The following MTSS1 variants were observed in gnomAD, a reference collection of about 807,000 sequenced individuals.
The protein encoded by MTSS1 is MTSS I-BAR domain containing 1.
A neutral mutation model predicts 79.0 loss-of-function variants in MTSS1; 18 were observed. That is an observed-to-expected ratio of 0.23 (90% CI 0.16 to 0.34). The LOEUF (loss-of-function observed/expected upper bound fraction) is 0.34, where lower values mean the gene tolerates loss of function less well. Ranked by LOEUF, MTSS1 falls within the 10% of genes least tolerant of loss-of-function variation. The pLI, the probability that MTSS1 is intolerant of heterozygous loss-of-function variation, is 1.00. For missense variants in MTSS1, 815 were observed against 986.2 expected (o/e 0.83, Z 2.33); for synonymous variants, 341 against 368.6 (o/e 0.93, Z 0.86).
chr8:124,727,459 C>T lies in MTSS1; in HGVS notation c.72+425G>A, dbSNP rs1344617032. On this transcript the variant is annotated intron_variant, in intron 1 of 13. Transcript: ENST00000518547. This position sits in a 1 kb window ranked among gnomAD's most constrained non-coding sequence, Gnocchi z 4.7. ...ACTCCTTCCTGCGAGCGGGCAGAGCCCCCACTTCCTCCCCACCACCGCGCC... is the reference window on the plus strand; with the variant it reads ...ACTCCTTCCTGCGAGCGGGCAGAGCTCCCACTTCCTCCCCACCACCGCGCC... The T allele has an allele frequency of 2.3e-6, 1 of 436,056 alleles. No individual in the cohort carries two copies. Among genetic ancestry groups the T allele is most frequent in the Non-Finnish European group, 4.6e-6 (1 of 218,032 alleles). 27.0% of individuals were successfully genotyped at this position (436,056 alleles called of 1,614,324 possible).
rs755073681 is a variant in MTSS1 at position 124,553,456 on chromosome 8, C to T, written c.1804G>A (p.Gly602Arg). The T allele has an allele frequency of 5.7e-5, 92 of 1,608,614 alleles. 1 individual carries two copies. The Admixed American group carries it at 1.4e-3, about 25-fold the overall frequency. Residue 602 changes from glycine to arginine, a missense_variant, in exon 14 of 14, where the codon GGA becomes AGA. By Grantham distance (125) the Gly-to-Arg change is moderately radical. Transcript: ENST00000518547. The surrounding 1 kb of genome is among the most constrained non-coding windows in gnomAD (Gnocchi z 6.0). ...TPSTKPSVRRGTIGAGPIPIK... is the reference protein window; with the variant it reads ...TPSTKPSVRRRTIGAGPIPIK... ...GGGATGGGACCAGCTCCAATGGTTCCCCGGCGGACAGAAGGCTTGGTGGAA... is the reference window on the plus strand; with the variant it reads ...GGGATGGGACCAGCTCCAATGGTTCTCCGGCGGACAGAAGGCTTGGTGGAA...
At chr8:124,660,432 G>GCGCATGCA (rs1554703690) in intron 3 of MTSS1, among the ~76,000 whole-genome samples, 1 of 140,706 alleles carries the variant, frequency 7.1e-6, no homozygotes, top group Non-Finnish European at 1.6e-5. Context: ...CCATGCGCAT[G>GCGCATGCA]CACACACACA....
chr8:124,600,885 C>T (rs1343369470), intron 3 of MTSS1, among the ~76,000 whole-genome samples: 1 of 152,200 alleles, frequency 6.6e-6, no homozygotes, highest in Admixed American at 6.5e-5. Flanking sequence ...TTAATTGTTA[C>T]GCATCCACAA....
intron 3 of MTSS1, among the ~76,000 whole-genome samples, chr8:124,671,703 C>T (rs1450336658): frequency 6.6e-6 from 1 of 152,144 alleles, no homozygotes; most frequent in Non-Finnish European, 1.5e-5. Flanking sequence ...TTACTGGACA[C>T]CTGACTTCAT....
rs73341851 is a variant in MTSS1, at chr8:124,600,549, T to C, written c.209-9314A>G. ...GAGAAAATAAGGAGCACTGGTTACA[T>C]CAGTGCTCCCATTAGGCAGAGCGGT... On this transcript the variant is annotated intron_variant, in intron 3 of 13. Transcript: ENST00000518547. 7.7e-3 allele frequency among the ~76,000 whole-genome samples: 1,171 copies of C among 152,260 alleles called. 15 individuals carry two copies. The highest frequency in any genetic ancestry group is 0.025 in the African/African-American group (1,054 of 41,544).
intron 7 of MTSS1, chr8:124,567,740 G>A (rs555187092): frequency 1.2e-5 from 18 of 1,522,450 alleles, no homozygotes; most frequent in East Asian, 2.5e-5. Context: ...ACCACGGGCC[G>A]GGCTAGAACG....
intron 3 of MTSS1, among the ~76,000 whole-genome samples, chr8:124,671,173 C>A (rs992678813): frequency 2.0e-5 from 3 of 152,090 alleles, no homozygotes; most frequent in African/African-American, 7.2e-5. Flanking sequence ...TAGGCTCCCT[C>A]AAATACTTTT....
At chr8:124,669,149 C>G (rs1005656397) in intron 3 of MTSS1, among the ~76,000 whole-genome samples, 1 of 152,208 alleles carries the variant, frequency 6.6e-6, no homozygotes, top group South Asian at 2.1e-4. Flanking sequence ...AAAATACAAT[C>G]CTCAGAAAAG....
At chr8:124,663,367 G>C (rs1395817012) in intron 3 of MTSS1, among the ~76,000 whole-genome samples, 1 of 152,046 alleles carries the variant, frequency 6.6e-6, no homozygotes, top group Non-Finnish European at 1.5e-5. Context: ...CCAAGGACAC[G>C]TGTCCTCTGA....
At chr8:124,591,672 TAAC>T (rs1831908694) in intron 3 of MTSS1, among the ~76,000 whole-genome samples, 1 of 152,216 alleles carries the variant, frequency 6.6e-6, no homozygotes, top group African/African-American at 2.4e-5. Flanking sequence ...ATAATCCCGT[TAAC>T]ATTATTTAGA....
intron 3 of MTSS1, chr8:124,619,569 A>G (rs948557929): frequency 6.6e-6 from 1 of 152,354 alleles, no homozygotes; most frequent in Non-Finnish European, 1.5e-5. Flanking sequence ...GTTAAAGAGG[A>G]AAGGAACAAA....
At chr8:124,717,671 G>A (rs1055040512) in intron 1 of MTSS1, among the ~76,000 whole-genome samples, 3 of 152,180 alleles carry the variant, frequency 2.0e-5, no homozygotes, top group African/African-American at 4.8e-5. Flanking sequence ...ACTCCGGTCT[G>A]GGGGACAGAG....
intron 6 of MTSS1, among the ~76,000 whole-genome samples, chr8:124,578,726 C>T (rs917713505): frequency 2.6e-5 from 4 of 152,030 alleles, no homozygotes; most frequent in South Asian, 2.1e-4. Context: ...ACCCAGGAGA[C>T]GGAGGTTGCA....
intron 3 of MTSS1, among the ~76,000 whole-genome samples, chr8:124,603,754 T>TA (rs780794195): frequency 5.9e-5 from 9 of 152,120 alleles, no homozygotes; most frequent in Non-Finnish European, 1.0e-4. Context: ...CTCCAATCAT[T>TA]AGAGACCCTG....
chr8:124,675,850 C>A (rs1489875432), intron 3 of MTSS1, among the ~76,000 whole-genome samples: 1 of 152,194 alleles, frequency 6.6e-6, no homozygotes, highest in Non-Finnish European at 1.5e-5. Context: ...AATAATATTC[C>A]ATTATGTACA....
intron 1 of MTSS1, among the ~76,000 whole-genome samples, chr8:124,723,220 C>A (rs1384637933): frequency 6.6e-6 from 1 of 152,046 alleles, no homozygotes; most frequent in Non-Finnish European, 1.5e-5. Flanking sequence ...AATGGGAAAC[C>A]CTACGTTTTT....
At chr8:124,653,356 T>A (rs1340203827) in intron 3 of MTSS1, among the ~76,000 whole-genome samples, 2 of 152,230 alleles carry the variant, frequency 1.3e-5, no homozygotes, top group African/African-American at 4.8e-5. Flanking sequence ...TTTTCATATG[T>A]TATGTCTTCT....
At chr8:124,702,415 C>G (rs1424710386) in intron 2 of MTSS1, among the ~76,000 whole-genome samples, 2 of 152,130 alleles carry the variant, frequency 1.3e-5, no homozygotes, top group East Asian at 1.9e-4. Flanking sequence ...AAAGTAATTA[C>G]AAGAGCTTAA....
At position 124,562,942 on chromosome 8, in the gene MTSS1, G is replaced by A. The variant is rs533015192; in HGVS notation, c.875C>T (p.Ser292Leu). Residue 292 changes from serine to leucine, a missense_variant, in exon 10 of 14, where the codon TCG (serine) becomes TTG (leucine). Physicochemically the swap from Ser to Leu is moderately radical, Grantham distance 145 (BLOSUM62 -2). Around this residue, in one of 2 missense-constraint regions of MTSS1, gnomAD observed 225 missense variants for 365.4 expected, o/e 0.62. Coordinates refer to ENST00000518547, the MANE Select transcript of MTSS1 (RefSeq NM_014751.6). Reference protein sequence around the residue: ...SSDSRSSGSHSHSPSSHYRYR... With the variant: ...SSDSRSSGSHLHSPSSHYRYR... Reference sequence around the variant, plus strand: ...GCGGTAATGTGAGCTGGGGGAATGCGAGTGGGAGCCGCTGGACCGGGAGTC... The same window carrying A: ...GCGGTAATGTGAGCTGGGGGAATGCAAGTGGGAGCCGCTGGACCGGGAGTC... 58 of 1,613,148 alleles carry A rather than the reference G, an allele frequency of 3.6e-5. No individual in the cohort carries two copies. The highest frequency in any genetic ancestry group is 4.6e-5 in the Non-Finnish European group (54 of 1,179,680).
Sources: allele counts gnomAD v4.1 joint callset (sites outside exome capture counted in the v4.1 genomes callset), GRCh38; gene constraint gnomAD v4.1.1; regional missense constraint gnomAD v4.1.1; non-coding constraint Gnocchi (gnomAD v3.1); transcripts MANE v1.5; gene names NCBI Gene and HGNC (gene_info 2026-07-23, HGNC 2026-07-21).